KLF7: variants seen among roughly 807,000 people sequenced by gnomAD.
KLF7 encodes KLF transcription factor 7, also known as Krueppel-like factor 7.
KLF7 carries 2 observed loss-of-function variants against 27.3 expected under a neutral mutation model. The observed-to-expected ratio is 0.07, with a 90% confidence interval of 0.03 to 0.23. KLF7 has a LOEUF of 0.23. KLF7 is among the 10% of genes least tolerant of loss of function. The probability of loss-of-function intolerance (pLI) is 1.00; values close to 1 mark genes in which losing one functional copy is unlikely to be tolerated. For synonymous variants in KLF7, 165 were observed against 162.4 expected, an observed-to-expected ratio of 1.02 and a Z score of -0.12; for missense variants, 221 against 394.1, an observed-to-expected ratio of 0.56 and a Z score of 3.72.
At chr2:207,159,396 G>C (rs1038669651) in intron 1 of KLF7, among the ~76,000 whole-genome samples, 1 of 152,200 alleles carries the variant, frequency 6.6e-6, no homozygotes, top group Non-Finnish European at 1.5e-5. Context: ...GATAGGCACA[G>C]GTCAGTGTTC....
rs77648287 is a variant in KLF7 at position 207,118,497 on chromosome 2, A to T, written c.733+5277T>A. Among the ~76,000 whole-genome samples the T allele has an allele frequency of 4.1e-3, 619 of 152,344 alleles. 9 individuals carry two copies. The highest frequency in any genetic ancestry group is 0.014 in the African/African-American group (593 of 41,584). ...ATACGTCTTTAATTTCCTCTTAATA[A>T]CAGGTTACTTTTAAAAAATTCATTT... On this transcript the variant is annotated intron_variant, in intron 2 of 3. Coordinates refer to ENST00000309446, the MANE Select transcript of KLF7 (RefSeq NM_003709.4).
At chr2:207,130,866 G>C (rs2077613632) in intron 1 of KLF7, among the ~76,000 whole-genome samples, 1 of 152,128 alleles carries the variant, frequency 6.6e-6, no homozygotes, top group Non-Finnish European at 1.5e-5. Context: ...CAAATTTAAA[G>C]AAATAAAGAA....
At chr2:207,142,970 T>C (rs1445892945) in intron 1 of KLF7, among the ~76,000 whole-genome samples, 1 of 152,176 alleles carries the variant, frequency 6.6e-6, no homozygotes, top group Non-Finnish European at 1.5e-5. Flanking sequence ...ATTAAAGAGC[T>C]CAAAAGATAT....
upstream of KLF7, among the ~76,000 whole-genome samples, chr2:207,170,473 A>C (rs1206908995): frequency 2.0e-5 from 3 of 152,294 alleles, no homozygotes; most frequent in East Asian, 5.8e-4. Context: ...AATCATTGAT[A>C]AGGGTAGATG....
chr2:207,124,455 C>T (rs756603392), intron 1 of KLF7, 51 bp from the exon 2 acceptor site: 4 of 1,502,102 alleles, frequency 2.7e-6, no homozygotes, highest in Non-Finnish European at 3.6e-6. Flanking sequence ...GCACAGAACA[C>T]CATGAGGCCA....
At chr2:207,090,331 A>C (rs1468693414) in intron 2 of KLF7, among the ~76,000 whole-genome samples, 1 of 152,200 alleles carries the variant, frequency 6.6e-6, no homozygotes, top group Non-Finnish European at 1.5e-5. Flanking sequence ...GCTGAAGAAA[A>C]GGTAGCCAAG....
At chr2:207,127,070 C>A (rs1006863190) in intron 1 of KLF7, among the ~76,000 whole-genome samples, 6 of 152,204 alleles carry the variant, frequency 3.9e-5, no homozygotes, top group African/African-American at 1.4e-4. Flanking sequence ...TTTACACACT[C>A]TTCTGGGAGG....
intron 3 of KLF7, among the ~76,000 whole-genome samples, chr2:207,086,896 C>T (rs2076401285): frequency 6.6e-6 from 1 of 152,230 alleles, no homozygotes; most frequent in South Asian, 2.1e-4. Context: ...AAAGAATTCA[C>T]CTTGGTCCCA....
chr2:207,124,915 C>T (rs1380387139), intron 1 of KLF7, among the ~76,000 whole-genome samples: 2 of 152,180 alleles, frequency 1.3e-5, no homozygotes, highest in African/African-American at 4.8e-5. Context: ...TAAGAGGTGA[C>T]CTCAGTAACA....
At chr2:207,117,437 C>A (rs1442135273) in intron 2 of KLF7, among the ~76,000 whole-genome samples, 1 of 152,228 alleles carries the variant, frequency 6.6e-6, no homozygotes, top group East Asian at 1.9e-4. Flanking sequence ...ATTCAGCTCT[C>A]TCCACCTTGT....
At chr2:207,159,002 T>A (rs1333999675) in intron 1 of KLF7, among the ~76,000 whole-genome samples, 1 of 152,200 alleles carries the variant, frequency 6.6e-6, no homozygotes, top group Non-Finnish European at 1.5e-5. Flanking sequence ...TAACAATCAC[T>A]TAGTTCAACC....
At chr2:207,144,530 T>C (rs1420484065) in intron 1 of KLF7, among the ~76,000 whole-genome samples, 1 of 152,156 alleles carries the variant, frequency 6.6e-6, no homozygotes. Flanking sequence ...TGGGTCACTG[T>C]TTCCCTCTCA....
At chr2:207,166,615 T>C, upstream of KLF7, 1 of 175,790 alleles carries the variant, frequency 5.7e-6, no homozygotes, top group Non-Finnish European at 1.1e-5. Context: ...TCAGGACGCC[T>C]CCTGGAGGGG....
rs1025128633 is a variant in KLF7, at chr2:207,091,173, G to A, written c.734-2592C>T. 2.6e-5 allele frequency among the ~76,000 whole-genome samples: 4 copies of A among 152,290 alleles called. No individual in the cohort carries two copies. In the East Asian group the frequency reaches 5.8e-4, roughly 22 times the overall value. On this transcript the variant is annotated intron_variant, in intron 2 of 3. Transcript: ENST00000309446. ...TAAAATGAAGAAGACTGAAGTGGAC[G>A]TCTTTGGATATTTTTTCCCATTTCA...
rs2076184632 is a variant in KLF7, at chr2:207,076,852, A to G, written c.*4361T>C. 2 of 152,208 alleles carry G rather than the reference A, an allele frequency of 1.3e-5. No individual in the cohort carries two copies. The highest frequency in any genetic ancestry group is 2.9e-5 in the Non-Finnish European group (2 of 68,032). The allele number at this position is 152,208 out of a possible 1,614,324, so 9.4% of individuals were successfully genotyped here. ...GCAGGTGGCCACTTCCCGAAAATGC[A>G]AAGGAAAGCTTCCAGGAGTAAATTT... On this transcript the variant is annotated 3_prime_UTR_variant, in exon 4 of 4. Coordinates refer to ENST00000309446, the MANE Select transcript of KLF7 (RefSeq NM_003709.4).
intron 1 of KLF7, among the ~76,000 whole-genome samples, chr2:207,150,956 T>C (rs551427809): frequency 2.7e-4 from 38 of 142,982 alleles, no homozygotes; most frequent in Admixed American, 8.3e-4. Flanking sequence ...ACTGGAGGTT[T>C]GCCTGTCAAA....
At chr2:207,119,590 C>T (rs1419027431) in intron 2 of KLF7, among the ~76,000 whole-genome samples, 1 of 151,994 alleles carries the variant, frequency 6.6e-6, no homozygotes, top group East Asian at 1.9e-4. Flanking sequence ...ATATGAAGAC[C>T]AGAACACAGA....
At chr2:207,085,164 G>GAAAAAAAAAAAAAAAAAAAAAAA (rs1015691241) in intron 3 of KLF7, among the ~76,000 whole-genome samples, 1 of 22,986 alleles carries the variant, frequency 4.4e-5, no homozygotes, top group Non-Finnish European at 7.6e-5. Context: ...TGTCTCAAAT[G>GAAAAAAAAAAAAAAAAAAAAAAA]AAAAAAAAAA....
chr2:207,141,384 A>C (rs1257301150), intron 1 of KLF7, among the ~76,000 whole-genome samples: 1 of 152,178 alleles, frequency 6.6e-6, no homozygotes, highest in Non-Finnish European at 1.5e-5. Context: ...TTCCTCTAAA[A>C]GGTAACACAT....
Sources: allele counts gnomAD v4.1 joint callset (sites outside exome capture counted in the v4.1 genomes callset), GRCh38; gene constraint gnomAD v4.1.1; transcripts MANE v1.5; gene names NCBI Gene and HGNC (gene_info 2026-07-23, HGNC 2026-07-21).